The following BIRC6 variants were observed in gnomAD, a reference collection of about 807,000 sequenced individuals.
BIRC6 encodes the protein baculoviral IAP repeat containing 6.
A neutral mutation model predicts 503.3 loss-of-function variants in BIRC6; 98 were observed. That is an observed-to-expected ratio of 0.19 (90% confidence interval 0.17 to 0.23). The LOEUF is 0.23. Ranked by LOEUF, BIRC6 falls within the 10% of genes least tolerant of loss-of-function variation. BIRC6 has a pLI of 1.00. For missense variants in BIRC6, 5,360 were observed against 5,806.0 expected (o/e 0.92, Z 2.50); for synonymous variants, 2,240 against 2,078.7 (o/e 1.08, Z -2.11).
At chr2:32,492,013 T>A (rs2051788170) in intron 44 of BIRC6, among the ~76,000 whole-genome samples, 1 of 152,160 alleles carries the variant, frequency 6.6e-6, no homozygotes, top group Non-Finnish European at 1.5e-5. Flanking sequence ...TGTTTCACTG[T>A]AAATTTTCCT....
intron 41 of BIRC6, among the ~76,000 whole-genome samples, chr2:32,488,150 G>C (rs2051229122): frequency 1.3e-5 from 2 of 152,004 alleles, no homozygotes; most frequent in Admixed American, 1.3e-4. Flanking sequence ...AGACCAGCTT[G>C]GGCAACATAA....
At chr2:32,388,725 T>C in intron 3 of BIRC6, 25 bp from the exon 4 acceptor site, 1 of 1,519,850 alleles carries the variant, frequency 6.6e-7, no homozygotes. Context: ...CATTTTCCTT[T>C]GCTTATACTC....
At chr2:32,431,510 ACTGT>A (rs2044120971) in intron 12 of BIRC6, among the ~76,000 whole-genome samples, 1 of 151,706 alleles carries the variant, frequency 6.6e-6, no homozygotes, top group South Asian at 2.1e-4. Context: ...TGTGTTTTAA[ACTGT>A]CTAAAAGATA....
At chr2:32,431,815 G>T (rs936803725) in intron 12 of BIRC6, among the ~76,000 whole-genome samples, 2 of 152,098 alleles carry the variant, frequency 1.3e-5, no homozygotes, top group Admixed American at 6.5e-5. Context: ...CCTCCTAATG[G>T]CAATAGAAAG....
At chr2:32,578,359 C>G (rs1010852081) in intron 66 of BIRC6, among the ~76,000 whole-genome samples, 1 of 152,162 alleles carries the variant, frequency 6.6e-6, no homozygotes, top group Non-Finnish European at 1.5e-5. Flanking sequence ...CCCCACCTGT[C>G]TGCCTCATTC....
At position 32,357,359 on chromosome 2, in the gene BIRC6, C is replaced by G; in HGVS notation, c.198C>G (p.Asp66Glu). The G allele has an allele frequency of 3.9e-6, 6 of 1,546,472 alleles. No homozygotes were observed. The highest frequency in any genetic ancestry group is 5.2e-6 in the Non-Finnish European group (6 of 1,146,210). ...TGCGGGACGGCTGCATGCACTGCGACGCCGACGGGCTGCACAGCCTGTCCT... is the reference window on the plus strand; with the variant it reads ...TGCGGGACGGCTGCATGCACTGCGAGGCCGACGGGCTGCACAGCCTGTCCT... ...LVLRDGCMHC[D>E]ADGLHSLSYH... Residue 66 changes from aspartate (D) to glutamate (E), a missense_variant, in exon 1 of 74, where the codon GAC becomes GAG. Around this residue, in one of 16 missense-constraint regions of BIRC6, gnomAD observed 145 missense variants for 106.9 expected, o/e 1.36. Transcript: ENST00000421745. The surrounding 1 kb of genome is among the most constrained non-coding windows in gnomAD (Gnocchi z 4.9).
In BIRC6 at chr2:32,548,051, C is replaced by T. The variant is rs1170028306; in HGVS notation, c.12975+37C>T. On this transcript the variant is annotated intron_variant, in intron 64 of 73. Transcript: ENST00000421745. ...AACTTGATATTGTTCATGATAATGGCTTTTTTTTTGTATTTATTATTTTAA... is the reference window on the plus strand; with the variant it reads ...AACTTGATATTGTTCATGATAATGGTTTTTTTTTTGTATTTATTATTTTAA... 4 of 1,483,178 alleles carry T rather than the reference C, an allele frequency of 2.7e-6. No homozygotes were observed. The African/African-American group carries it at 4.3e-5, about 16-fold the overall frequency. 91.9% of individuals were successfully genotyped at this position (1,483,178 alleles called of 1,614,324 possible).
chr2:32,541,772 T>C (rs1572906918), intron 61 of BIRC6, among the ~76,000 whole-genome samples: 2 of 152,250 alleles, frequency 1.3e-5, no homozygotes, highest in African/African-American at 4.8e-5. Flanking sequence ...GAGTTTTTCT[T>C]TGAATTATTA....
At chr2:32,471,163 T>C in intron 32 of BIRC6, 39 bp downstream of exon 32, 1 of 1,546,854 alleles carries the variant, frequency 6.5e-7, no homozygotes, top group South Asian at 1.2e-5. Flanking sequence ...TATCAGAAGT[T>C]TATAATAATA....
chr2:32,454,531 C>A (rs1476173545), intron 23 of BIRC6, among the ~76,000 whole-genome samples: 3 of 150,780 alleles, frequency 2.0e-5, no homozygotes, highest in African/African-American at 7.3e-5. Flanking sequence ...ACAGTTACTT[C>A]TATTGCAGCA....
chr2:32,599,043 A>AAAAG (rs2061867934), intron 69 of BIRC6, among the ~76,000 whole-genome samples: 1 of 148,250 alleles, frequency 6.7e-6, no homozygotes, highest in Non-Finnish European at 1.5e-5. Flanking sequence ...AAAAAAAAAA[A>AAAAG]AAAGGCCTGG....
In BIRC6 at chr2:32,482,485, C is replaced by T; in HGVS notation, c.7599C>T (p.Tyr2533=). The T allele has an allele frequency of 8.1e-6, 13 of 1,613,814 alleles. No individual in the cohort carries two copies. Among genetic ancestry groups the T allele is most frequent in the Non-Finnish European group, 1.1e-5 (13 of 1,179,748 alleles). The change falls in exon 39 of 74, where the codon TAC becomes TAT. Residue 2533 remains tyrosine, a synonymous_variant. Transcript: ENST00000421745. ...YWGADYGTYN[Y]NPYIGGLGIP... is the part of the protein sequence containing the mutation. ...GTGCTGATTATGGGACCTACAATTA[C>T]AACCCTTACATTGGAGGTCTGGGAA...
rs114477611 is a variant in BIRC6 at position 32,406,397 on chromosome 2, T to G, written c.1419-102T>G. The G allele has an allele frequency of 8.7e-3, 7,145 of 818,060 alleles. 56 individuals are homozygous for G. Among genetic ancestry groups the G allele is most frequent in the Non-Finnish European group, 0.012 (6,073 of 503,302 alleles). 50.7% of individuals were successfully genotyped at this position (818,060 alleles called of 1,614,324 possible). A position where few individuals can be genotyped will look rare whatever the true frequency, so the allele number is the denominator to read the frequency against. On this transcript the variant is annotated intron_variant, in intron 8 of 73. Coordinates refer to ENST00000421745, the MANE Select transcript of BIRC6 (RefSeq NM_016252.4). The stretch of plus-strand genomic sequence containing the variant: ...CTGGATGACAGACTGAGACCCTGTC[T>G]CAAAAAAACCCACAAAACCAACTGT...
intron 68 of BIRC6, among the ~76,000 whole-genome samples, chr2:32,596,258 G>A (rs564186457): frequency 6.6e-6 from 1 of 151,782 alleles, no homozygotes. Flanking sequence ...CGAGGTGGGC[G>A]GTCACGAGGT....
intron 64 of BIRC6, 22 bp from the exon 65 acceptor site, chr2:32,549,291 A>G: frequency 2.1e-6 from 3 of 1,395,690 alleles, no homozygotes; most frequent in Non-Finnish European, 1.9e-6. Flanking sequence ...CTGAAATCCA[A>G]ATTAATTTCA....
chr2:32,439,822 A>G (rs1468665585), intron 16 of BIRC6, 136 bp downstream of exon 16: 1 of 680,680 alleles, frequency 1.5e-6, no homozygotes, highest in East Asian at 3.1e-5. Flanking sequence ...TTGTCTTTGG[A>G]GTGACTTAAA....
At chr2:32,482,994 C>T (rs576698836) in intron 39 of BIRC6, among the ~76,000 whole-genome samples, 28 of 151,668 alleles carry the variant, frequency 1.8e-4, no homozygotes, top group African/African-American at 4.6e-4. Flanking sequence ...CCCATCTCAC[C>T]GCAACCGCTG....
intron 22 of BIRC6, among the ~76,000 whole-genome samples, chr2:32,453,092 A>G (rs1426766683): frequency 1.3e-5 from 2 of 151,940 alleles, no homozygotes; most frequent in South Asian, 4.1e-4. Context: ...AAAAATTGCA[A>G]AGTAGTGAAT....
chr2:32,446,160 A>G (rs1255117495), intron 21 of BIRC6, among the ~76,000 whole-genome samples: 1 of 152,178 alleles, frequency 6.6e-6, no homozygotes, highest in Non-Finnish European at 1.5e-5. Flanking sequence ...CCGGCCAGAA[A>G]TTACTCTTTA....
Sources: gnomAD v4.1 joint callset for allele counts (sites outside exome capture counted in the v4.1 genomes callset) on GRCh38, gnomAD v4.1.1 for gene constraint, gnomAD v4.1.1 regional missense constraint, Gnocchi (gnomAD v3.1) non-coding constraint, MANE v1.5 for transcripts, NCBI Gene and HGNC (gene_info 2026-07-23, HGNC 2026-07-21) for gene names.